Variants in SMIM21 observed in about 807,000 individuals in gnomAD.
SMIM21 encodes the protein small integral membrane protein 21.
SMIM21 carries 8 observed loss-of-function variants against 8.6 expected under a neutral mutation model. The ratio of observed to expected loss-of-function variants is 0.93; its 90% CI spans 0.55 to 1.68. SMIM21 has a LOEUF of 1.68. Among genes scored for constraint, SMIM21 ranks in the 40% most tolerant of loss-of-function variants. SMIM21 has a pLI of 0.00. For missense variants in SMIM21, 132 were observed against 123.0 expected (o/e 1.07, Z -0.35); for synonymous variants, 43 against 41.7 (o/e 1.03, Z -0.12).
intron 2 of SMIM21, 55 bp downstream of exon 2, chr18:75,418,731 C>A: frequency 6.7e-7 from 1 of 1,485,522 alleles, no homozygotes; most frequent in Non-Finnish European, 9.0e-7. Context: ...ATCGTTTACT[C>A]ACTTTCAAAA....
chr18:75,411,024 T>C (rs113904028), intron 2 of SMIM21, 115 bp from the exon 3 acceptor site: 1 of 1,426,148 alleles, frequency 7.0e-7, no homozygotes, highest in Non-Finnish European at 9.5e-7. Context: ...AAAATTTAAT[T>C]TTTCCCCCCA....
intron 1 of SMIM21, chr18:75,419,169 T>C (rs375074989): frequency 8.6e-5 from 23 of 266,024 alleles, no homozygotes; most frequent in East Asian, 8.6e-4. Flanking sequence ...CAGTGTAAAT[T>C]AAAAGCAGAT....
Position 75,410,809 on chromosome 18 carries a change from C to G in SMIM21, c.*55G>C, listed in dbSNP as rs771031202. On this transcript the variant is annotated 3_prime_UTR_variant, in exon 3 of 3. Transcript: ENST00000579022. The stretch of plus-strand genomic sequence containing the variant: ...TGATTTCCTCTTAATTTCTTTTCAT[C>G]TTGAGCAGGGGAAATCCATGGTATG... 6 of 1,605,846 alleles carry G rather than the reference C, an allele frequency of 3.7e-6. No individual in the cohort carries two copies. In the African/African-American group the frequency reaches 8.0e-5, roughly 22 times the overall value.
intron 1 of SMIM21, among the ~76,000 whole-genome samples, chr18:75,420,670 G>C (rs191207826): frequency 5.9e-5 from 9 of 152,284 alleles, no homozygotes; most frequent in African/African-American, 2.2e-4. Context: ...TGGAGCATTG[G>C]GTCTCAATTC....
intron 2 of SMIM21, among the ~76,000 whole-genome samples, chr18:75,415,378 T>C (rs2024632509): frequency 6.6e-6 from 1 of 152,062 alleles, no homozygotes; most frequent in South Asian, 2.1e-4. Context: ...GGCTGAAGGG[T>C]CCCTGCTCCA....
chr18:75,412,071 G>C (rs1001744517), intron 2 of SMIM21, among the ~76,000 whole-genome samples: 5 of 152,182 alleles, frequency 3.3e-5, no homozygotes, highest in Non-Finnish European at 5.9e-5. Context: ...TCTTGGCATA[G>C]AACATGGACC....
chr18:75,415,068 G>T (rs1003175074), intron 2 of SMIM21, among the ~76,000 whole-genome samples: 1 of 152,092 alleles, frequency 6.6e-6, no homozygotes, highest in Admixed American at 6.5e-5. Flanking sequence ...TCCCTCTTCT[G>T]TTAGTGGGTC....
chr18:75,410,930 A>G (rs770050906), intron 2 of SMIM21, 21 bp from the exon 3 acceptor site: 15 of 1,613,394 alleles, frequency 9.3e-6, no homozygotes, highest in Middle Eastern at 1.7e-4. Context: ...CAAAAGGGGG[A>G]AAAAGCATTT....
Position 75,412,068 on chromosome 18 carries a change from A to G in SMIM21, c.261-1159T>C, listed in dbSNP as rs180826226. On this transcript the variant is annotated intron_variant, in intron 2 of 2. Coordinates refer to ENST00000579022, the MANE Select transcript of SMIM21 (RefSeq NM_001037331.3). ...ACACACTGAGGGACTAGTTCTTGGCATAGAACATGGACCCCAGAATATCTA... is the reference window on the plus strand; with the variant it reads ...ACACACTGAGGGACTAGTTCTTGGCGTAGAACATGGACCCCAGAATATCTA... 1.2e-4 allele frequency among the ~76,000 whole-genome samples: 19 copies of G among 152,336 alleles called. No homozygotes were observed. The East Asian group carries it at 1.9e-3, about 15-fold the overall frequency.
chr18:75,413,421 A>G (rs1470273049), intron 2 of SMIM21, among the ~76,000 whole-genome samples: 1 of 152,204 alleles, frequency 6.6e-6, no homozygotes, highest in Non-Finnish European at 1.5e-5. Flanking sequence ...TATCTGGAGA[A>G]GACACGTAAC....
chr18:75,417,806 T>A (rs2024664539), intron 2 of SMIM21: 1 of 167,824 alleles, frequency 6.0e-6, no homozygotes, highest in African/African-American at 2.4e-5. Context: ...ATGTTCCAAT[T>A]AAGAACTTAT....
intron 1 of SMIM21, among the ~76,000 whole-genome samples, chr18:75,419,842 G>A (rs2024690478): frequency 6.6e-6 from 1 of 152,134 alleles, no homozygotes; most frequent in Non-Finnish European, 1.5e-5. Context: ...TGTGGCTGGT[G>A]GCTCTCTCTG....
At chr18:75,419,298 C>A (rs2024684970) in intron 1 of SMIM21, among the ~76,000 whole-genome samples, 1 of 152,106 alleles carries the variant, frequency 6.6e-6, no homozygotes, top group African/African-American at 2.4e-5. Context: ...AGTTATCAAA[C>A]AGATCTGTGA....
rs111291882 is a variant in SMIM21 at position 75,414,943 on chromosome 18, C to T, written c.260+3843G>A. On this transcript the variant is annotated intron_variant, in intron 2 of 2. Coordinates refer to ENST00000579022, the MANE Select transcript of SMIM21 (RefSeq NM_001037331.3). ...TAGAATTCAGAGAACACAAAATATTCAGTTTATAAAATGTGTTTGTAAGAA... is the reference window on the plus strand; with the variant it reads ...TAGAATTCAGAGAACACAAAATATTTAGTTTATAAAATGTGTTTGTAAGAA... 4.4e-3 allele frequency among the ~76,000 whole-genome samples: 666 copies of T among 152,244 alleles called. 2 individuals carry two copies. The highest frequency in any genetic ancestry group is 0.015 in the African/African-American group (627 of 41,540).
At chr18:75,426,631 T>TAA (rs777676195) in intron 1 of SMIM21, among the ~76,000 whole-genome samples, 16 of 89,244 alleles carry the variant, frequency 1.8e-4, no homozygotes, top group South Asian at 4.0e-4. Context: ...TTTTAAAATG[T>TAA]AAAAAAAAAA....
intron 2 of SMIM21, among the ~76,000 whole-genome samples, chr18:75,414,717 G>T (rs79376110): frequency 6.6e-6 from 1 of 152,302 alleles, no homozygotes; most frequent in African/African-American, 2.4e-5. Flanking sequence ...GTCTGTTTTT[G>T]AAGAGAGAAT....
chr18:75,415,115 G>A (rs2024629922), intron 2 of SMIM21, among the ~76,000 whole-genome samples: 1 of 152,100 alleles, frequency 6.6e-6, no homozygotes, highest in African/African-American at 2.4e-5. Flanking sequence ...TCATCCTTCT[G>A]CTGCACCATG....
rs1599108230 is a variant in SMIM21 at position 75,421,599 on chromosome 18, G to T, written c.130-2683C>A. The stretch of plus-strand genomic sequence containing the variant: ...TCACGTGGAGCTCTGTGGGGTCAGG[G>T]TGGGGAACATGACAGGAATATCAAA... On this transcript the variant is annotated intron_variant, in intron 1 of 2. Coordinates refer to ENST00000579022, the MANE Select transcript of SMIM21 (RefSeq NM_001037331.3). Among the ~76,000 whole-genome samples the T allele has an allele frequency of 3.3e-5, 5 of 152,264 alleles. No individual in the cohort carries two copies. In the South Asian group the frequency reaches 1.0e-3, roughly 32 times the overall value.
intron 1 of SMIM21, among the ~76,000 whole-genome samples, chr18:75,422,007 G>A (rs1044722278): frequency 6.6e-6 from 1 of 152,090 alleles, no homozygotes; most frequent in Admixed American, 6.6e-5. Flanking sequence ...GACGTGATTG[G>A]GGTTGAGACA....
Sources: gnomAD v4.1 joint callset for allele counts (sites outside exome capture counted in the v4.1 genomes callset) on GRCh38, gnomAD v4.1.1 for gene constraint, MANE v1.5 for transcripts, NCBI Gene and HGNC (gene_info 2026-07-23, HGNC 2026-07-21) for gene names.